Variants in GPR55 observed in about 807,000 individuals in gnomAD.
The protein encoded by GPR55 is G protein-coupled receptor 55, also known as G-protein coupled receptor 55.
A neutral mutation model predicts 7.9 loss-of-function variants in GPR55; 6 were observed. That is an observed-to-expected ratio of 0.76 (90% CI 0.41 to 1.49). The LOEUF (loss-of-function observed/expected upper bound fraction) is 1.49, where lower values mean the gene tolerates loss of function less well. GPR55 is among the 40% of genes most tolerant of loss of function. The pLI, the probability that GPR55 is intolerant of heterozygous loss-of-function variation, is 0.01. For missense variants in GPR55, 376 were observed against 406.0 expected (o/e 0.93, Z 0.63); for synonymous variants, 183 against 166.8 (o/e 1.10, Z -0.75).
At chr2:230,936,061 A>G (rs1226839355) in intron 1 of GPR55, among the ~76,000 whole-genome samples, 1 of 152,194 alleles carries the variant, frequency 6.6e-6, no homozygotes, top group Non-Finnish European at 1.5e-5. Context: ...GGAAGAGAAT[A>G]TTAAAGAGGT....
At position 230,944,928 on chromosome 2, in the gene GPR55, A is replaced by T. The variant is rs967825203; in HGVS notation, c.-135+15847T>A. Among the ~76,000 whole-genome samples the T allele has an allele frequency of 6.6e-6, 1 of 152,202 alleles. No individual in the cohort carries two copies. Among genetic ancestry groups the T allele is most frequent in the Non-Finnish European group, 1.5e-5 (1 of 68,032 alleles). On this transcript the variant is annotated intron_variant, in intron 1 of 1. Transcript: ENST00000392039. This position sits in a 1 kb window ranked among gnomAD's most constrained non-coding sequence, Gnocchi z 4.2. ...CCTGCAGATGCGACAACGAACGTAGATGCTGTCCCAGCCACCCACACTCGC... is the reference window on the plus strand; with the variant it reads ...CCTGCAGATGCGACAACGAACGTAGTTGCTGTCCCAGCCACCCACACTCGC...
At chr2:230,939,148 C>T (rs149531466) in intron 1 of GPR55, among the ~76,000 whole-genome samples, 122 of 152,348 alleles carry the variant, frequency 8.0e-4, no homozygotes, top group African/African-American at 2.9e-3. Flanking sequence ...AGGCTGAGCA[C>T]AGAGAACCAA....
At chr2:230,911,682 C>T (rs188316504) in intron 1 of GPR55, among the ~76,000 whole-genome samples, 1 of 152,336 alleles carries the variant, frequency 6.6e-6, no homozygotes, top group East Asian at 1.9e-4. Context: ...TCTGCAGCTG[C>T]TGCAGCCTCT....
chr2:230,932,633 T>C lies in GPR55; in HGVS notation c.-134-21537A>G, dbSNP rs1026201161. The stretch of plus-strand genomic sequence containing the variant: ...TACAAGGACAGTCTCCACGTGGGGC[T>C]CGAAACTGGCCAGGTCCTGCCTCTT... On this transcript the variant is annotated intron_variant, in intron 1 of 1. Coordinates refer to the GPR55 transcript ENST00000392039. Among the ~76,000 whole-genome samples the C allele has an allele frequency of 4.6e-5, 7 of 152,296 alleles. No individual in the cohort carries two copies. The East Asian group carries it at 1.3e-3, about 29-fold the overall frequency.
intron 1 of GPR55, among the ~76,000 whole-genome samples, chr2:230,960,539 G>A (rs542841778): frequency 6.6e-6 from 1 of 152,064 alleles, no homozygotes; most frequent in East Asian, 1.9e-4. Flanking sequence ...TTAGTAGGGA[G>A]GTAGAATCCC....
intron 1 of GPR55, among the ~76,000 whole-genome samples, chr2:230,920,160 A>T (rs927183420): frequency 1.3e-4 from 20 of 151,752 alleles, no homozygotes; most frequent in African/African-American, 2.7e-4. Flanking sequence ...AGATTAAAAA[A>T]ATATATATAT....
At chr2:230,952,440 C>T (rs76777827) in intron 1 of GPR55, among the ~76,000 whole-genome samples, 426 of 152,368 alleles carry the variant, frequency 2.8e-3, no homozygotes, top group African/African-American at 9.5e-3. Context: ...AGGAAGGCCA[C>T]AGCCCTCCGT....
intron 1 of GPR55, among the ~76,000 whole-genome samples, chr2:230,942,850 G>A (rs1024439031): frequency 6.6e-6 from 1 of 152,048 alleles, no homozygotes; most frequent in Non-Finnish European, 1.5e-5. Flanking sequence ...CACGGAAGGG[G>A]CAGGAGAAGG....
At chr2:230,916,255 C>T (rs1009008841) in intron 1 of GPR55, among the ~76,000 whole-genome samples, 4 of 151,980 alleles carry the variant, frequency 2.6e-5, no homozygotes, top group African/African-American at 9.7e-5. Context: ...AGTGTGGTGG[C>T]TCGTGCCTGT....
intron 1 of GPR55, among the ~76,000 whole-genome samples, chr2:230,943,790 C>T (rs1691271718): frequency 6.6e-6 from 1 of 152,206 alleles, no homozygotes; most frequent in African/African-American, 2.4e-5. Context: ...CTCCCCACCC[C>T]TCCTCTGCTC....
chr2:230,953,980 C>T (rs561194290), intron 1 of GPR55, among the ~76,000 whole-genome samples: 1 of 152,260 alleles, frequency 6.6e-6, no homozygotes, highest in African/African-American at 2.4e-5. Context: ...GCTCCAAGGT[C>T]TGATGAGCAG....
intron 1 of GPR55, among the ~76,000 whole-genome samples, chr2:230,941,993 G>A (rs1691240492): frequency 6.6e-6 from 1 of 152,204 alleles, no homozygotes; most frequent in African/African-American, 2.4e-5. Context: ...GATCCAGAGT[G>A]CAGGGGAGCC....
intron 1 of GPR55, among the ~76,000 whole-genome samples, chr2:230,957,377 C>T (rs1186187692): frequency 1.3e-5 from 2 of 152,176 alleles, no homozygotes; most frequent in Middle Eastern, 3.2e-3. Flanking sequence ...CACTGACGGC[C>T]GGTGGTGTCT....
rs556968714 is a variant in GPR55 at position 230,941,708 on chromosome 2, G to A, written c.-135+19067C>T. On this transcript the variant is annotated intron_variant, in intron 1 of 1. Transcript: ENST00000392039. ...CTGTCCTTCAGGTCTCAGGTTGAAC[G>A]TCACTCCCCCAGGGAGGCCTTCCCT... is the stretch of plus-strand genomic sequence containing the variant. Among the ~76,000 whole-genome samples the A allele has an allele frequency of 5.9e-5, 9 of 152,116 alleles. No homozygotes were observed. In the South Asian group the frequency reaches 1.7e-3, roughly 28 times the overall value.
At position 230,910,060 on chromosome 2, in the gene GPR55, G is replaced by C. The variant is rs140660203; in HGVS notation, c.903C>G (p.Ala301=). Residue 301 remains alanine, a synonymous_variant, in exon 2 of 2, where the codon GCC becomes GCG. Transcript: ENST00000650999. This position sits in a 1 kb window ranked among gnomAD's most constrained non-coding sequence, Gnocchi z 5.4. Reference sequence around the variant, plus strand: ...CCAGCTGGACCCTGGAAGGCCGGTGGGCCCTGATGTTCATGCGGAATTCTT... The same window carrying C: ...CCAGCTGGACCCTGGAAGGCCGGTGCGCCCTGATGTTCATGCGGAATTCTT... ...VIKEFRMNIR[A]HRPSRVQLVL... 14 of 1,614,070 alleles carry C rather than the reference G, an allele frequency of 8.7e-6. No homozygotes were observed. The African/African-American group carries it at 1.7e-4, about 20-fold the overall frequency.
At chr2:230,919,863 T>A (rs1049379984) in intron 1 of GPR55, among the ~76,000 whole-genome samples, 43 of 152,146 alleles carry the variant, frequency 2.8e-4, no homozygotes, top group African/African-American at 1.0e-3. Context: ...AATGGAAAAT[T>A]TTTCTGTCTG....
chr2:230,912,284 C>T (rs1389231955), intron 1 of GPR55, among the ~76,000 whole-genome samples: 1 of 152,168 alleles, frequency 6.6e-6, no homozygotes, highest in African/African-American at 2.4e-5. Flanking sequence ...TGAGACCCAC[C>T]TTCCTGTGCC....
At chr2:230,951,923 T>C (rs1314076623) in intron 1 of GPR55, among the ~76,000 whole-genome samples, 1 of 123,816 alleles carries the variant, frequency 8.1e-6, no homozygotes, top group Non-Finnish European at 1.7e-5. Context: ...CAGGCCCGGC[T>C]AATTTTTTTT....
rs1355294780 is a variant in GPR55 at position 230,923,682 on chromosome 2, C to T, written c.-135+1486G>A. Among the ~76,000 whole-genome samples, 2 of 152,048 alleles carry T rather than the reference C, an allele frequency of 1.3e-5. No individual in the cohort carries two copies. The highest frequency in any genetic ancestry group is 2.4e-5 in the African/African-American group (1 of 41,384). ...GGCCAGCAGTGTGCTCAGTGATCTA[C>T]GATGGGAACTCAGGACACTCCTAGG... On this transcript the variant is annotated intron_variant, in intron 1 of 1. Coordinates refer to ENST00000650999, the MANE Select transcript of GPR55 (RefSeq NM_005683.4). This position sits in a 1 kb window ranked among gnomAD's most constrained non-coding sequence, Gnocchi z 4.1.
Sources: gnomAD v4.1 joint callset for allele counts (sites outside exome capture counted in the v4.1 genomes callset) on GRCh38, gnomAD v4.1.1 for gene constraint, Gnocchi (gnomAD v3.1) non-coding constraint, MANE v1.5 for transcripts, NCBI Gene and HGNC (gene_info 2026-07-23, HGNC 2026-07-21) for gene names.